ADGRV1: variants seen among roughly 807,000 people sequenced by gnomAD.
The protein encoded by ADGRV1 is adhesion G protein-coupled receptor V1.
In ADGRV1, 359 loss-of-function variants were observed where a neutral mutation model predicts 596.2. The observed-to-expected ratio is 0.60, with a 90% CI of 0.55 to 0.66. ADGRV1 has a LOEUF of 0.66. Ranked by LOEUF, ADGRV1 falls within the 30% of genes least tolerant of loss-of-function variation. ADGRV1 has a pLI of 0.00. For synonymous variants in ADGRV1, 2,681 were observed against 2,679.2 expected, an observed-to-expected ratio of 1.00 and a Z score of -0.02; for missense variants, 7,274 against 7,575.6, an observed-to-expected ratio of 0.96 and a Z score of 1.48.
chr5:91,058,822 G>C (rs931573946), intron 85 of ADGRV1, among the ~76,000 whole-genome samples: 8 of 152,098 alleles, frequency 5.3e-5, no homozygotes, highest in African/African-American at 1.9e-4. Flanking sequence ...GACACAGGCA[G>C]ACAATCATAA....
intron 74 of ADGRV1, 146 bp downstream of exon 74, chr5:90,811,484 T>G: frequency 2.7e-6 from 2 of 740,700 alleles, no homozygotes; most frequent in Non-Finnish European, 4.2e-6. Context: ...TTCTGTAGCA[T>G]GGACCCATGA....
At chr5:90,845,286 C>A (rs950586736) in intron 78 of ADGRV1, among the ~76,000 whole-genome samples, 2 of 152,212 alleles carry the variant, frequency 1.3e-5, no homozygotes, top group East Asian at 3.9e-4. Context: ...GACAATAGGA[C>A]CTTCCTCACA....
rs1409436412 is a variant in ADGRV1 at position 90,684,183 on chromosome 5, CAG to C, written c.6265_6266del (p.Arg2090PhefsTer11). On this transcript the variant is annotated frameshift_variant, in exon 28 of 90. Coordinates refer to ENST00000405460, the MANE Select transcript of ADGRV1 (RefSeq NM_032119.4). LOFTEE classifies it high-confidence loss of function. The stretch of plus-strand genomic sequence containing the variant: ...CAACTCTACTTTAGTAGCGAAAGTA[CAG>C]AGTCGTTCAAGTAAGTATCCCTTAG... ...LLNSTLVAKV[Q>X]SRSIPNSPRL... The C allele has an allele frequency of 6.2e-7, 1 of 1,609,440 alleles. No homozygotes were observed. Among genetic ancestry groups the C allele is most frequent in the African/African-American group, 1.3e-5 (1 of 74,692 alleles).
intron 83 of ADGRV1, among the ~76,000 whole-genome samples, chr5:90,954,274 G>A (rs2150921102): frequency 6.7e-6 from 1 of 149,974 alleles, no homozygotes; most frequent in Non-Finnish European, 1.5e-5. Flanking sequence ...CTAATGCTTT[G>A]ATTTGTATAT....
chr5:90,646,022 G>A lies in ADGRV1; in HGVS notation c.2953G>A (p.Ala985Thr), dbSNP rs1767702814. 6.2e-7 allele frequency: 1 copy of A among 1,606,736 alleles called. No individual in the cohort carries two copies. Among genetic ancestry groups the A allele is most frequent in the African/African-American group, 1.3e-5 (1 of 74,794 alleles). ...TVILLNGTGG[A>T]KVGNRTTATL... ...TATCCTACTGAATGGCACTGGAGGAGCTAAAGTGGGAAATAGAACAACTGC... is the reference window on the plus strand; with the variant it reads ...TATCCTACTGAATGGCACTGGAGGAACTAAAGTGGGAAATAGAACAACTGC... The change falls in exon 16 of 90, where the codon GCT becomes ACT. Residue 985 changes from alanine (A) to threonine (T), a missense_variant. By Grantham distance (58) the Ala-to-Thr change is moderately conservative. This residue lies in a region of ADGRV1 where 1,715 missense variants were observed against 1,708.8 expected (regional missense o/e 1.00). Transcript: ENST00000405460.
At chr5:90,820,086 G>T (rs1332056117) in intron 75 of ADGRV1, among the ~76,000 whole-genome samples, 2 of 151,900 alleles carry the variant, frequency 1.3e-5, no homozygotes, top group African/African-American at 4.8e-5. Flanking sequence ...CTTGCTTTTT[G>T]AATCTGGGTG....
intron 78 of ADGRV1, among the ~76,000 whole-genome samples, chr5:90,847,805 G>T (rs146844063): frequency 0.02 from 3,006 of 152,276 alleles, 66 homozygotes; most frequent in Non-Finnish European, 0.025. Flanking sequence ...CGGAACTCGC[G>T]CTGGCCCTGG....
rs556998584 is a variant in ADGRV1 at position 91,102,261 on chromosome 5, C to T, written c.18353C>T (p.Thr6118Ile). Residue 6118 changes from threonine (T) to isoleucine (I), a missense_variant, in exon 87 of 90, where the codon ACA becomes ATA. By Grantham distance (89) the Thr-to-Ile change is moderately conservative. Coordinates refer to ENST00000405460, the MANE Select transcript of ADGRV1 (RefSeq NM_032119.4). ...ILYLFALISV[T>I]WLWGGLHMAY... ...TATCTCTTTGCTCTGATTTCCGTGA[C>T]ATGGCTTTGGGGAGGACTACACATG... The T allele has an allele frequency of 1.4e-5, 22 of 1,611,022 alleles. No individual in the cohort carries two copies. In the South Asian group the frequency reaches 2.3e-4, roughly 17 times the overall value.
At chr5:90,631,256 C>T (rs894284623) in intron 9 of ADGRV1, among the ~76,000 whole-genome samples, 2 of 152,048 alleles carry the variant, frequency 1.3e-5, no homozygotes, top group Non-Finnish European at 2.9e-5. Context: ...ACAACTGTTC[C>T]TTGGTGTTCT....
intron 45 of ADGRV1, 52 bp from the exon 46 acceptor site, chr5:90,724,780 A>G (rs1238428410): frequency 6.7e-7 from 1 of 1,495,524 alleles, no homozygotes; most frequent in Non-Finnish European, 9.3e-7. Flanking sequence ...ATTAGAATAG[A>G]TAAGTTTTTG....
chr5:90,992,833 T>A (rs1025784296), intron 85 of ADGRV1, among the ~76,000 whole-genome samples: 2 of 152,222 alleles, frequency 1.3e-5, no homozygotes, highest in Non-Finnish European at 2.9e-5. Context: ...TTTTGATAGA[T>A]CTCTTCTAAA....
At position 90,957,429 on chromosome 5, in the gene ADGRV1, C is replaced by T. The variant is rs148179331; in HGVS notation, c.17857-7986C>T. The stretch of plus-strand genomic sequence containing the variant: ...AAGACTAGTCTTGGTGTTAATGACT[C>T]ATAAAGATCTGTTTCTCAGAAGATG... On this transcript the variant is annotated intron_variant, in intron 83 of 89. Coordinates refer to ENST00000405460, the MANE Select transcript of ADGRV1 (RefSeq NM_032119.4). Among the ~76,000 whole-genome samples the T allele has an allele frequency of 8.6e-3, 1,298 of 151,302 alleles. 18 individuals are homozygous for T. Among genetic ancestry groups the T allele is most frequent in the African/African-American group, 0.03 (1,235 of 41,306 alleles).
rs727505212 is a variant in ADGRV1, at chr5:90,863,861, G to A, written c.17856+4G>A. The A allele has an allele frequency of 6.4e-7, 1 of 1,568,126 alleles. No homozygotes were observed. Among genetic ancestry groups the A allele is most frequent in the Non-Finnish European group, 8.8e-7 (1 of 1,138,618 alleles). ...GGCAGCCAGCTTAGGTACACAGGTAGGAGAGCGCTGGCATTTTTGATTTAT... is the reference window on the plus strand; with the variant it reads ...GGCAGCCAGCTTAGGTACACAGGTAAGAGAGCGCTGGCATTTTTGATTTAT... On this transcript the variant is annotated splice_donor_region_variant and intron_variant, in intron 83 of 89. Coordinates refer to ENST00000405460, the MANE Select transcript of ADGRV1 (RefSeq NM_032119.4).
At chr5:90,974,784 G>T (rs772668944) in intron 84 of ADGRV1, among the ~76,000 whole-genome samples, 5 of 152,282 alleles carry the variant, frequency 3.3e-5, no homozygotes, top group South Asian at 2.1e-4. Context: ...CAGGACATAA[G>T]TATGGGCAAG....
chr5:91,062,616 G>A lies in ADGRV1; in HGVS notation c.18153-9831G>A, dbSNP rs560100590. Among the ~76,000 whole-genome samples the A allele has an allele frequency of 4.6e-5, 7 of 152,138 alleles. No individual in the cohort carries two copies. In the East Asian group the frequency reaches 7.7e-4, roughly 17 times the overall value. ...ACCCCAGCACTTTCCTTCCCATCTC[G>A]TTTGGCCAGTCTGCAGATCTGCGGT... is the stretch of plus-strand genomic sequence containing the variant. On this transcript the variant is annotated intron_variant, in intron 85 of 89. Transcript: ENST00000405460.
chr5:90,928,460 C>T (rs931758017), intron 83 of ADGRV1, among the ~76,000 whole-genome samples: 16 of 150,488 alleles, frequency 1.1e-4, no homozygotes, highest in African/African-American at 3.7e-4. Context: ...ACGTAGTTCT[C>T]GAGCCTTGGT....
Position 90,757,090 on chromosome 5 carries a change from G to C in ADGRV1, c.11869G>C (p.Ala3957Pro), listed in dbSNP as rs1192983284. 1.9e-6 allele frequency: 3 copies of C among 1,613,856 alleles called. No individual in the cohort carries two copies. Among genetic ancestry groups the C allele is most frequent in the Non-Finnish European group, 2.5e-6 (3 of 1,179,860 alleles). The part of the protein sequence containing the change: ...SFGAVNVYWK[A>P]SPDSAGLEDF... Reference sequence around the variant, plus strand: ...TGGGGCAGTAAATGTTTATTGGAAAGCATCACCAGACAGTGCTGGCCTGGA... The same window carrying C: ...TGGGGCAGTAAATGTTTATTGGAAACCATCACCAGACAGTGCTGGCCTGGA... Residue 3957 changes from alanine to proline, a missense_variant, in exon 57 of 90, where the codon GCA (alanine) becomes CCA (proline). Physicochemically the swap from Ala to Pro is conservative, Grantham distance 27 (BLOSUM62 -1). Coordinates refer to ENST00000405460, the MANE Select transcript of ADGRV1 (RefSeq NM_032119.4).
Position 90,807,833 on chromosome 5 carries a change from G to T in ADGRV1, c.14972+96G>T, listed in dbSNP as rs374996324. On this transcript the variant is annotated intron_variant, in intron 73 of 89. Transcript: ENST00000405460. Reference sequence around the variant, plus strand: ...AAAAGGCACAAGGGTTATTCTCCTTGAAGCAAACACAAACATAGTTTTAGT... The same window carrying T: ...AAAAGGCACAAGGGTTATTCTCCTTTAAGCAAACACAAACATAGTTTTAGT... 4.0e-4 allele frequency: 439 copies of T among 1,108,394 alleles called. 3 individuals carry two copies. The African/African-American group carries it at 5.7e-3, about 14-fold the overall frequency. The allele number at this position is 1,108,394 out of a possible 1,614,324, so 68.7% of individuals were successfully genotyped here. A position where few individuals can be genotyped will look rare whatever the true frequency, so the allele number is the denominator to read the frequency against.
chr5:91,064,502 T>C (rs569916419), intron 85 of ADGRV1, among the ~76,000 whole-genome samples: 8 of 152,346 alleles, frequency 5.3e-5, no homozygotes, highest in East Asian at 1.9e-4. Flanking sequence ...GTAGTAGTAA[T>C]ACTTAATTAG....
Sources: gnomAD v4.1 joint callset for allele counts (sites outside exome capture counted in the v4.1 genomes callset) on GRCh38, gnomAD v4.1.1 for gene constraint, gnomAD v4.1.1 regional missense constraint, MANE v1.5 for transcripts, NCBI Gene and HGNC (gene_info 2026-07-23, HGNC 2026-07-21) for gene names.